CLCA1: variants seen among roughly 807,000 people sequenced by gnomAD.
The protein encoded by CLCA1 is calcium-activated chloride channel regulator 1.
In CLCA1, 59 loss-of-function variants were observed where a neutral mutation model predicts 85.6. The ratio of observed to expected loss-of-function variants is 0.69; its 90% confidence interval spans 0.56 to 0.86. The LOEUF (loss-of-function observed/expected upper bound fraction) is 0.86, where lower values mean the gene tolerates loss of function less well. Ranked by LOEUF, CLCA1 falls within the 40% of genes least tolerant of loss-of-function variation. CLCA1 has a pLI of 0.00. For synonymous variants in CLCA1, 396 were observed against 398.3 expected (o/e 0.99, Z 0.07); for missense variants, 1,022 against 1,101.4 (o/e 0.93, Z 1.02).
Position 86,486,580 on chromosome 1 carries a change from A to C in CLCA1, c.1009A>C (p.Thr337Pro), listed in dbSNP as rs745958086. Residue 337 changes from threonine to proline, a missense_variant, in exon 7 of 14, where the codon ACA becomes CCA. Physicochemically the swap from Thr to Pro is conservative, Grantham distance 38 (BLOSUM62 -1). Coordinates refer to ENST00000394711, the MANE Select transcript of CLCA1 (RefSeq NM_001285.4). ...NQAGQLFLLQ[T>P]VELGSWVGMV... ...AGCAGGCCAGCTTTTCCTGCTGCAG[A>C]CAGTTGAGCTGGGGTCCTGGGTTGG... 1.2e-6 allele frequency: 2 copies of C among 1,613,966 alleles called. No homozygotes were observed. Among genetic ancestry groups the C allele is most frequent in the Non-Finnish European group, 8.5e-7 (1 of 1,180,028 alleles).
intron 8 of CLCA1, 132 bp downstream of exon 8, chr1:86,489,302 A>AC: frequency 1.3e-6 from 1 of 787,880 alleles, no homozygotes; most frequent in South Asian, 1.8e-5. Context: ...AGCCACCCTT[A>AC]CCCCTGAATG....
At position 86,499,842 on chromosome 1, in the gene CLCA1, G is replaced by A. The variant is rs757375165; in HGVS notation, c.2542G>A (p.Asp848Asn). The A allele has an allele frequency of 1.9e-6, 3 of 1,613,274 alleles. No homozygotes were observed. The highest frequency in any genetic ancestry group is 8.5e-7 in the Non-Finnish European group (1 of 1,179,338). Residue 848 changes from aspartate to asparagine, a missense_variant, in exon 14 of 14, where the codon GAT (aspartate) becomes AAT (asparagine). Asp to Asn is a conservative substitution (Grantham distance 23). Transcript: ENST00000394711. ...TCTTTTCATTGCTATTCAGGCTGTT[G>A]ATAAGGTCGATCTGAAATCAGAAAT... ...TDLFIAIQAVDKVDLKSEISN... is the reference protein window; with the variant it reads ...TDLFIAIQAVNKVDLKSEISN...
chr1:86,491,416 T>G (rs909717126), intron 9 of CLCA1, 45 bp downstream of exon 9: 1 of 1,304,910 alleles, frequency 7.7e-7, no homozygotes, highest in Non-Finnish European at 1.1e-6. Flanking sequence ...CACATAATCA[T>G]AGCCAAGATG....
rs767537288 is a variant in CLCA1 at position 86,491,233 on chromosome 1, AAAT to A, written c.1358-28_1358-26del. Reference sequence around the variant, plus strand: ...ATGTTGCAAATAGTTGCTTTCTGGAAAATAATTTCTGAAAATGTAATTGCATTT... The same window carrying A: ...ATGTTGCAAATAGTTGCTTTCTGGAAAATTTCTGAAAATGTAATTGCATTT... On this transcript the variant is annotated intron_variant, in intron 8 of 13. Transcript: ENST00000394711. The A allele has an allele frequency of 2.2e-5, 34 of 1,533,572 alleles. No individual in the cohort carries two copies. The Admixed American group carries it at 5.8e-4, about 26-fold the overall frequency. 95.0% of individuals were successfully genotyped at this position (1,533,572 alleles called of 1,614,324 possible).
At chr1:86,490,262 A>G (rs1648098250) in intron 8 of CLCA1, among the ~76,000 whole-genome samples, 2 of 152,214 alleles carry the variant, frequency 1.3e-5, no homozygotes, top group African/African-American at 4.8e-5. Context: ...CAATGCCTAG[A>G]GCAGCTGGGA....
intron 12 of CLCA1, among the ~76,000 whole-genome samples, chr1:86,495,879 T>C (rs1051820990): frequency 2.0e-5 from 3 of 152,284 alleles, no homozygotes; most frequent in African/African-American, 7.2e-5. Flanking sequence ...TTAACCTCTA[T>C]CCATTATTTG....
intron 3 of CLCA1, among the ~76,000 whole-genome samples, chr1:86,475,636 A>G (rs985868592): frequency 2.0e-5 from 3 of 152,186 alleles, no homozygotes; most frequent in Admixed American, 6.5e-5. Flanking sequence ...CTAGGCACAT[A>G]GAAGCTTGAT....
Position 86,476,571 on chromosome 1 carries a change from T to C in CLCA1, c.557+18T>C, listed in dbSNP as rs1558134663. Reference sequence around the variant, plus strand: ...GCAGTAAGGTATGTATATTTTGATTTAACTTGTTCCAAACTATTTTAAATT... The same window carrying C: ...GCAGTAAGGTATGTATATTTTGATTCAACTTGTTCCAAACTATTTTAAATT... On this transcript the variant is annotated intron_variant, in intron 4 of 13. Coordinates refer to ENST00000394711, the MANE Select transcript of CLCA1 (RefSeq NM_001285.4). 7.8e-7 allele frequency: 1 copy of C among 1,273,962 alleles called. No individual in the cohort carries two copies. Among genetic ancestry groups the C allele is most frequent in the East Asian group, 2.3e-5 (1 of 43,008 alleles). 78.9% of individuals were successfully genotyped at this position (1,273,962 alleles called of 1,614,324 possible).
intron 6 of CLCA1, 56 bp downstream of exon 6, chr1:86,485,617 G>T: frequency 1.3e-6 from 2 of 1,501,188 alleles, no homozygotes; most frequent in Non-Finnish European, 1.9e-6. Context: ...GCATGTTCTG[G>T]ACCCTGACTC....
intron 12 of CLCA1, among the ~76,000 whole-genome samples, chr1:86,497,300 G>A (rs1648318678): frequency 6.6e-6 from 1 of 152,190 alleles, no homozygotes; most frequent in Admixed American, 6.5e-5. Flanking sequence ...CATGAACCCT[G>A]AACCTGCTAG....
chr1:86,479,903 C>G (rs1455732846), intron 4 of CLCA1, among the ~76,000 whole-genome samples: 1 of 151,960 alleles, frequency 6.6e-6, no homozygotes, highest in Non-Finnish European at 1.5e-5. Flanking sequence ...AACAAACAAA[C>G]AAACAAACAA....
chr1:86,500,179 A>T lies in CLCA1; in HGVS notation c.*134A>T. 1.7e-6 allele frequency: 1 copy of T among 599,220 alleles called. No individual in the cohort carries two copies. The allele number at this position is 599,220 out of a possible 1,614,324, so 37.1% of individuals were successfully genotyped here. A position where few individuals can be genotyped will look rare whatever the true frequency, so the allele number is the denominator to read the frequency against. ...TATATAGTACATTTATACTAAATGTATTCCTGTAGGGGGCGATATACTAAA... is the reference window on the plus strand; with the variant it reads ...TATATAGTACATTTATACTAAATGTTTTCCTGTAGGGGGCGATATACTAAA... On this transcript the variant is annotated 3_prime_UTR_variant, in exon 14 of 14. Coordinates refer to ENST00000394711, the MANE Select transcript of CLCA1 (RefSeq NM_001285.4).
chr1:86,500,014 G>C lies in CLCA1; in HGVS notation c.2714G>C (p.Trp905Ser). 3 of 1,611,960 alleles carry C rather than the reference G, an allele frequency of 1.9e-6. No homozygotes were observed. Among genetic ancestry groups the C allele is most frequent in the Non-Finnish European group, 2.5e-6 (3 of 1,178,170 alleles). ...GIHILKIMWK[W>S]IGELQLSIA ...CACATTTTAAAAATTATGTGGAAGT[G>C]GATAGGAGAACTGCAGCTGTCAATA... Residue 905 changes from tryptophan (W) to serine (S), a missense_variant, in exon 14 of 14, where the codon TGG (tryptophan) becomes TCG (serine). By Grantham distance (177) the Trp-to-Ser change is radical (BLOSUM62 -3). Coordinates refer to ENST00000394711, the MANE Select transcript of CLCA1 (RefSeq NM_001285.4).
At chr1:86,474,914 G>C (rs1647603746) in intron 3 of CLCA1, among the ~76,000 whole-genome samples, 1 of 152,092 alleles carries the variant, frequency 6.6e-6, no homozygotes, top group Non-Finnish European at 1.5e-5. Flanking sequence ...CCTAGAACCA[G>C]CTTGATTTTT....
chr1:86,486,484 C>T (rs1647973659), intron 6 of CLCA1, 42 bp from the exon 7 acceptor site: 1 of 1,572,870 alleles, frequency 6.4e-7, no homozygotes, highest in Non-Finnish European at 8.7e-7. Flanking sequence ...ATTAGTCTTT[C>T]CATCTAAACG....
At chr1:86,485,639 C>A in intron 6 of CLCA1, 78 bp downstream of exon 6, 3 of 1,289,212 alleles carry the variant, frequency 2.3e-6, no homozygotes, top group Non-Finnish European at 3.4e-6. Flanking sequence ...GAACTAGTTG[C>A]GAATAAACAT....
Position 86,500,137 on chromosome 1 carries a change from G to A in CLCA1, c.*92G>A. The stretch of plus-strand genomic sequence containing the variant: ...AAATGTATTTTAGACTTCCTGTAGG[G>A]GGCGATATACTAAATGTATATAGTA... On this transcript the variant is annotated 3_prime_UTR_variant, in exon 14 of 14. Transcript: ENST00000394711. 1 of 749,840 alleles carries A rather than the reference G, an allele frequency of 1.3e-6. No homozygotes were observed. Among genetic ancestry groups the A allele is most frequent in the Non-Finnish European group, 2.2e-6 (1 of 457,470 alleles). The allele number at this position is 749,840 out of a possible 1,614,324, so 46.4% of individuals were successfully genotyped here.
chr1:86,486,733 G>A lies in CLCA1; in HGVS notation c.1162G>A (p.Gly388Arg). The A allele has an allele frequency of 3.1e-6, 5 of 1,614,098 alleles. No individual in the cohort carries two copies. Among genetic ancestry groups the A allele is most frequent in the African/African-American group, 1.3e-5 (1 of 75,034 alleles). Residue 388 changes from glycine to arginine, a missense_variant, in exon 7 of 14, where the codon GGG becomes AGG. Transcript: ENST00000394711. ...TTCAGGAGGGACGTCCATCTGCAGC[G>A]GGCTTCGATCGGCATTTACTGTGAG... The part of the protein sequence containing the change: ...AASGGTSICS[G>R]LRSAFTVIRK...
At chr1:86,471,992 C>T (rs992725779) in intron 1 of CLCA1, among the ~76,000 whole-genome samples, 1 of 150,748 alleles carries the variant, frequency 6.6e-6, no homozygotes, top group Non-Finnish European at 1.5e-5. Context: ...AAGGACTTTG[C>T]TCCTGCAATG....
Sources: allele counts gnomAD v4.1 joint callset (sites outside exome capture counted in the v4.1 genomes callset), GRCh38; gene constraint gnomAD v4.1.1; transcripts MANE v1.5; gene names NCBI Gene and HGNC (gene_info 2026-07-23, HGNC 2026-07-21).